MMP20: variants seen among roughly 807,000 people sequenced by gnomAD.
MMP20 encodes the protein matrix metalloproteinase-20.
In MMP20, 50 loss-of-function variants were observed where a neutral mutation model predicts 51.8. That is an observed-to-expected ratio of 0.97 (90% CI 0.77 to 1.22). MMP20 has a LOEUF of 1.22. MMP20 is among the 50% of genes most tolerant of loss of function. MMP20 has a pLI of 0.00. For missense variants in MMP20, 663 were observed against 601.4 expected, an observed-to-expected ratio of 1.10 and a Z score of -1.07; for synonymous variants, 244 against 216.2, an observed-to-expected ratio of 1.13 and a Z score of -1.13.
rs767651260 is a variant in MMP20 at position 102,606,589 on chromosome 11, G to A, written c.899C>T (p.Ser300Leu). The part of the protein sequence containing the change: ...PSIPDLCDSS[S>L]SFDAVTMLGK... ...CAGCATTGTCACAGCGTCAAAGGAT[G>A]AGCTGGAGTCACAGAGGTCAGGGAT... is the stretch of plus-strand genomic sequence containing the variant. Residue 300 changes from serine (S) to leucine (L), a missense_variant, in exon 6 of 10, where the codon TCA (serine) becomes TTA (leucine). Ser to Leu is a moderately radical substitution (Grantham distance 145). Transcript: ENST00000260228. The A allele has an allele frequency of 3.1e-6, 5 of 1,614,102 alleles. No individual in the cohort carries two copies. The highest frequency in any genetic ancestry group is 4.2e-6 in the Non-Finnish European group (5 of 1,179,968).
intron 6 of MMP20, among the ~76,000 whole-genome samples, chr11:102,606,015 A>G (rs183030399): frequency 1.3e-5 from 2 of 152,232 alleles, no homozygotes; most frequent in East Asian, 3.9e-4. Flanking sequence ...CTATCTATCC[A>G]TCTGATCATC....
At chr11:102,592,942 A>G (rs1192408123) in intron 8 of MMP20, among the ~76,000 whole-genome samples, 3 of 152,252 alleles carry the variant, frequency 2.0e-5, no homozygotes, top group Non-Finnish European at 2.9e-5. Context: ...TCCTTTGGAT[A>G]AGAAGGATTT....
intron 3 of MMP20, among the ~76,000 whole-genome samples, chr11:102,610,605 A>G (rs1259242289): frequency 6.6e-6 from 1 of 152,198 alleles, no homozygotes; most frequent in Non-Finnish European, 1.5e-5. Flanking sequence ...TGTTTATAAA[A>G]TCCTAACTTT....
intron 3 of MMP20, 72 bp from the exon 4 acceptor site, chr11:102,610,102 G>C: frequency 6.5e-7 from 1 of 1,539,036 alleles, no homozygotes; most frequent in Non-Finnish European, 8.9e-7. Flanking sequence ...TCATATTACA[G>C]AAAAGGGACA....
rs35673489 is a variant in MMP20, at chr11:102,578,800, A to AAAACAAAC, written c.1351+231_1351+238dup. ...AACAAAACACACACACACAAAAACA[A>AAAACAAAC]AAACAAACAAACAAACAAACAAAAA... On this transcript the variant is annotated intron_variant, in intron 9 of 9. Transcript: ENST00000260228. Among the ~76,000 whole-genome samples the AAAACAAAC allele has an allele frequency of 2.3e-3, 345 of 151,452 alleles. 1 individual carries two copies. Among genetic ancestry groups the AAAACAAAC allele is most frequent in the African/African-American group, 7.7e-3 (317 of 41,200 alleles).
rs978730173 is a variant in MMP20, at chr11:102,625,104, C to T, written c.126+90G>A. 19 of 1,518,250 alleles carry T rather than the reference C, an allele frequency of 1.3e-5. No homozygotes were observed. In the Admixed American group the frequency reaches 3.0e-4, roughly 24 times the overall value. 94.0% of individuals were successfully genotyped at this position (1,518,250 alleles called of 1,614,324 possible). ...CTTATATAAAATGATTTTAAAAGAACAATAGAATTTTTTTCTTATTTTCTC... is the reference window on the plus strand; with the variant it reads ...CTTATATAAAATGATTTTAAAAGAATAATAGAATTTTTTTCTTATTTTCTC... On this transcript the variant is annotated intron_variant, in intron 1 of 9. Transcript: ENST00000260228.
chr11:102,608,684 A>G (rs1383364528), intron 5 of MMP20, among the ~76,000 whole-genome samples: 1 of 125,092 alleles, frequency 8.0e-6, no homozygotes, highest in Non-Finnish European at 1.8e-5. Flanking sequence ...CAAAGGAAAA[A>G]CATAAACCGA....
chr11:102,583,908 A>G (rs1396559227), intron 8 of MMP20, among the ~76,000 whole-genome samples: 1 of 152,124 alleles, frequency 6.6e-6, no homozygotes, highest in Non-Finnish European at 1.5e-5. Flanking sequence ...GACATCTTTC[A>G]CTTAGTATAA....
In MMP20 at chr11:102,577,270, C is replaced by G; in HGVS notation, c.*56G>C. The G allele has an allele frequency of 8.5e-7, 1 of 1,178,728 alleles. No individual in the cohort carries two copies. The highest frequency in any genetic ancestry group is 1.3e-6 in the Non-Finnish European group (1 of 783,926). 73.0% of individuals were successfully genotyped at this position (1,178,728 alleles called of 1,614,324 possible). A position where few individuals can be genotyped will look rare whatever the true frequency, so the allele number is the denominator to read the frequency against. On this transcript the variant is annotated 3_prime_UTR_variant, in exon 10 of 10. Transcript: ENST00000260228. Reference sequence around the variant, plus strand: ...ACATTCTGCTTTAGTCCTTAAGATCCAGTTAGAGGCTGCTTGTAGTCATCC... The same window carrying G: ...ACATTCTGCTTTAGTCCTTAAGATCGAGTTAGAGGCTGCTTGTAGTCATCC...
intron 2 of MMP20, among the ~76,000 whole-genome samples, chr11:102,612,742 T>C (rs1178250851): frequency 1.3e-5 from 2 of 148,314 alleles, no homozygotes; most frequent in African/African-American, 4.9e-5. Flanking sequence ...TTCTTTCTTT[T>C]TTTTTTTTTT....
intron 9 of MMP20, among the ~76,000 whole-genome samples, chr11:102,577,833 G>T (rs1859143893): frequency 6.6e-6 from 1 of 152,142 alleles, no homozygotes; most frequent in Non-Finnish European, 1.5e-5. Flanking sequence ...TTAATTCTCA[G>T]ATCAGCTCTT....
chr11:102,623,530 C>T (rs1227355122), intron 1 of MMP20, among the ~76,000 whole-genome samples: 1 of 152,212 alleles, frequency 6.6e-6, no homozygotes, highest in Admixed American at 6.5e-5. Flanking sequence ...CAGCCTCCTA[C>T]TTCCCACGTC....
At chr11:102,587,189 T>C (rs887390225) in intron 8 of MMP20, among the ~76,000 whole-genome samples, 2 of 152,170 alleles carry the variant, frequency 1.3e-5, no homozygotes, top group African/African-American at 4.8e-5. Context: ...TAATTTCCCT[T>C]GTGATTTCTT....
chr11:102,618,582 G>A (rs1034663505), intron 1 of MMP20, among the ~76,000 whole-genome samples: 1 of 151,858 alleles, frequency 6.6e-6, no homozygotes, highest in Non-Finnish European at 1.5e-5. Context: ...ATGAAAGAAT[G>A]CTCTTTATGT....
chr11:102,577,188 T>G lies in MMP20; in HGVS notation c.*138A>C. ...CAACTATGAAAAAAATTGGAAGTATTATTATTCTCAGTGAATTCTAATTTG... is the reference window on the plus strand; with the variant it reads ...CAACTATGAAAAAAATTGGAAGTATGATTATTCTCAGTGAATTCTAATTTG... On this transcript the variant is annotated 3_prime_UTR_variant, in exon 10 of 10. Coordinates refer to ENST00000260228, the MANE Select transcript of MMP20 (RefSeq NM_004771.4). The G allele has an allele frequency of 1.5e-6, 1 of 670,276 alleles. No individual in the cohort carries two copies. The highest frequency in any genetic ancestry group is 2.6e-5 in the Admixed American group (1 of 39,156). 41.5% of individuals were successfully genotyped at this position (670,276 alleles called of 1,614,324 possible).
intron 8 of MMP20, among the ~76,000 whole-genome samples, chr11:102,588,976 G>T (rs1036412414): frequency 3.9e-5 from 6 of 152,132 alleles, no homozygotes; most frequent in Non-Finnish European, 8.8e-5. Context: ...CAGTCACATT[G>T]CTAGGGGAGT....
At chr11:102,581,267 A>T (rs1859192440) in intron 8 of MMP20, among the ~76,000 whole-genome samples, 1 of 152,190 alleles carries the variant, frequency 6.6e-6, no homozygotes, top group African/African-American at 2.4e-5. Flanking sequence ...GGCCCCAAGA[A>T]CAATTAACTC....
chr11:102,578,959 C>A, intron 9 of MMP20, 80 bp downstream of exon 9: 1 of 1,058,760 alleles, frequency 9.4e-7, no homozygotes, highest in Non-Finnish European at 1.5e-6. Context: ...ACTTGGAAAT[C>A]CACTTTCTGT....
intron 1 of MMP20, among the ~76,000 whole-genome samples, chr11:102,619,990 C>A (rs887296820): frequency 1.3e-5 from 2 of 152,152 alleles, no homozygotes; most frequent in Non-Finnish European, 2.9e-5. Context: ...TAAACAAAAT[C>A]TCTCCCTAGT....
Sources: gnomAD v4.1 joint callset for allele counts (sites outside exome capture counted in the v4.1 genomes callset) on GRCh38, gnomAD v4.1.1 for gene constraint, MANE v1.5 for transcripts, NCBI Gene and HGNC (gene_info 2026-07-23, HGNC 2026-07-21) for gene names.